The following SPATS2 variants were observed in gnomAD, a reference collection of about 807,000 sequenced individuals.
SPATS2 encodes the protein spermatogenesis-associated serine-rich protein 2.
A neutral mutation model predicts 63.7 loss-of-function variants in SPATS2; 38 were observed. The ratio of observed to expected loss-of-function variants is 0.60; its 90% CI spans 0.46 to 0.78. SPATS2 has a LOEUF of 0.78. Ranked by LOEUF, SPATS2 falls within the 30% of genes least tolerant of loss-of-function variation. SPATS2 has a pLI of 0.00. For missense variants in SPATS2, 588 were observed against 666.2 expected, an observed-to-expected ratio of 0.88 and a Z score of 1.29; for synonymous variants, 207 against 232.9, an observed-to-expected ratio of 0.89 and a Z score of 1.01.
intron 9 of SPATS2, among the ~76,000 whole-genome samples, chr12:49,509,514 CCGGCCT>C (rs1472827126): frequency 6.6e-6 from 1 of 152,002 alleles, no homozygotes; most frequent in Non-Finnish European, 1.5e-5. Flanking sequence ...AAGTGATCCT[CCGGCCT>C]CGGCCTCCCA....
chr12:49,389,884 T>C, intron 2 of SPATS2: 1 of 825,044 alleles, frequency 1.2e-6, no homozygotes, highest in South Asian at 1.3e-5. Flanking sequence ...CCGGGAAAAA[T>C]AATGAAGTTA....
intron 6 of SPATS2, 192 bp downstream of exon 6, chr12:49,490,923 C>T (rs1345194184): frequency 2.1e-5 from 11 of 526,566 alleles, no homozygotes; most frequent in African/African-American, 1.2e-4. Context: ...AGGTGGATCA[C>T]TTGAGGTCAG....
intron 2 of SPATS2, among the ~76,000 whole-genome samples, chr12:49,429,940 C>G (rs1398774975): frequency 6.9e-6 from 1 of 144,198 alleles, no homozygotes; most frequent in Non-Finnish European, 1.5e-5. Flanking sequence ...GCCATCACGC[C>G]CAGCTAATTT....
intron 2 of SPATS2, among the ~76,000 whole-genome samples, chr12:49,409,295 T>G (rs550452928): frequency 4.6e-5 from 7 of 152,206 alleles, no homozygotes; most frequent in South Asian, 4.2e-4. Context: ...AGAAGTTTTT[T>G]TTGTTGTTGT....
chr12:49,464,883 T>C (rs1209149579), intron 3 of SPATS2, among the ~76,000 whole-genome samples: 4 of 152,158 alleles, frequency 2.6e-5, no homozygotes, highest in Non-Finnish European at 5.9e-5. Flanking sequence ...TTGTTTGTGA[T>C]CAATTCCTGC....
chr12:49,496,028 G>A (rs1946457966), intron 7 of SPATS2, among the ~76,000 whole-genome samples: 1 of 152,134 alleles, frequency 6.6e-6, no homozygotes, highest in African/African-American at 2.4e-5. Context: ...TGTTAATCCA[G>A]TTCCCCTGCC....
intron 2 of SPATS2, among the ~76,000 whole-genome samples, chr12:49,397,906 G>C (rs1944539773): frequency 6.7e-6 from 1 of 149,060 alleles, no homozygotes; most frequent in Admixed American, 6.7e-5. Flanking sequence ...TCCCAGCACT[G>C]TGGGAGGCCG....
chr12:49,521,011 G>A (rs140926847), intron 11 of SPATS2, among the ~76,000 whole-genome samples: 2 of 152,234 alleles, frequency 1.3e-5, no homozygotes, highest in Admixed American at 6.5e-5. Flanking sequence ...GAGCCACCAC[G>A]CCTGGCCAAA....
chr12:49,458,069 T>C (rs1945750266), intron 2 of SPATS2, among the ~76,000 whole-genome samples: 1 of 152,236 alleles, frequency 6.6e-6, no homozygotes, highest in African/African-American at 2.4e-5. Flanking sequence ...AATTGGAAAT[T>C]ATTTAATATA....
At chr12:49,406,045 C>G (rs1420570152) in intron 2 of SPATS2, among the ~76,000 whole-genome samples, 1 of 151,988 alleles carries the variant, frequency 6.6e-6, no homozygotes, top group Non-Finnish European at 1.5e-5. Context: ...GGGTGGATCA[C>G]TTGAGGTCAG....
At chr12:49,485,130 A>G (rs1006277235) in intron 4 of SPATS2, among the ~76,000 whole-genome samples, 9 of 147,850 alleles carry the variant, frequency 6.1e-5, no homozygotes, top group Admixed American at 2.0e-4. Flanking sequence ...GCAGTGGCCG[A>G]TCTGGGCTCA....
chr12:49,499,001 G>T (rs1419053345), intron 8 of SPATS2, among the ~76,000 whole-genome samples: 1 of 151,994 alleles, frequency 6.6e-6, no homozygotes, highest in Non-Finnish European at 1.5e-5. Context: ...GGCCAGGCTG[G>T]TCTTGAACTC....
intron 2 of SPATS2, among the ~76,000 whole-genome samples, chr12:49,394,381 C>CA (rs1275072066): frequency 7.5e-4 from 113 of 150,156 alleles, no homozygotes; most frequent in African/African-American, 2.7e-3. Flanking sequence ...CTGGATTCTG[C>CA]AAAAAAAGTC....
At chr12:49,417,498 C>G (rs2137397803) in intron 2 of SPATS2, among the ~76,000 whole-genome samples, 1 of 152,316 alleles carries the variant, frequency 6.6e-6, no homozygotes, top group Middle Eastern at 3.4e-3. Flanking sequence ...CTGCCTGACC[C>G]CATCTGATAA....
rs1946648151 is a variant in SPATS2 at position 49,505,970 on chromosome 12, T to C, written c.839+5765T>C. Among the ~76,000 whole-genome samples the C allele has an allele frequency of 2.0e-5, 3 of 152,136 alleles. No individual in the cohort carries two copies. The South Asian group carries it at 6.2e-4, about 31-fold the overall frequency. On this transcript the variant is annotated intron_variant, in intron 9 of 13. Transcript: ENST00000552918. ...TTCCAACTTTATGATGGTATGAAAG[T>C]GATACACATTCAGTAGAAAGCATAC...
intron 2 of SPATS2, among the ~76,000 whole-genome samples, chr12:49,413,391 A>AT (rs1056040662): frequency 4.5e-4 from 67 of 149,890 alleles, no homozygotes; most frequent in African/African-American, 1.5e-3. Flanking sequence ...TTTAATTTTA[A>AT]TTTTTTTTTT....
At chr12:49,486,090 TATGG>T (rs1946287622) in intron 4 of SPATS2, among the ~76,000 whole-genome samples, 2 of 151,902 alleles carry the variant, frequency 1.3e-5, no homozygotes, top group African/African-American at 2.4e-5. Flanking sequence ...AATTGTTGAC[TATGG>T]AGTCCTGTAC....
At chr12:49,479,940 G>T (rs1181416237) in intron 3 of SPATS2, among the ~76,000 whole-genome samples, 1 of 152,184 alleles carries the variant, frequency 6.6e-6, no homozygotes, top group East Asian at 1.9e-4. Context: ...GATTTACTGT[G>T]TGACTTTGGG....
chr12:49,437,244 G>C lies in SPATS2; in HGVS notation c.-243-23526G>C, dbSNP rs1200566910. Reference sequence around the variant, plus strand: ...ACATCCCAGACGGGGCGGCAGGGCAGAGGCGCTCCCCACATCTCAGACGAT... The same window carrying C: ...ACATCCCAGACGGGGCGGCAGGGCACAGGCGCTCCCCACATCTCAGACGAT... On this transcript the variant is annotated intron_variant, in intron 2 of 13. Transcript: ENST00000552918. Among the ~76,000 whole-genome samples, 41 of 151,774 alleles carry C rather than the reference G, an allele frequency of 2.7e-4. 1 individual carries two copies. The highest frequency in any genetic ancestry group is 2.4e-3 in the Admixed American group (37 of 15,264).
Sources: gnomAD v4.1 joint callset for allele counts (sites outside exome capture counted in the v4.1 genomes callset) on GRCh38, gnomAD v4.1.1 for gene constraint, MANE v1.5 for transcripts, NCBI Gene and HGNC (gene_info 2026-07-23, HGNC 2026-07-21) for gene names.